Variants in RCL1 observed in about 807,000 individuals in gnomAD.
RCL1 encodes RNA 3'-terminal phosphate cyclase-like protein.
RCL1 carries 24 observed loss-of-function variants against 42.4 expected under a neutral mutation model. That is an observed-to-expected ratio of 0.57 (90% CI 0.41 to 0.80). The LOEUF (loss-of-function observed/expected upper bound fraction) is 0.80. RCL1 is among the 30% of genes least tolerant of loss of function. RCL1 has a pLI of 0.00. For missense variants in RCL1, 578 were observed against 467.9 expected (o/e 1.24, Z -2.17); for synonymous variants, 228 against 177.3 (o/e 1.29, Z -2.27).
At chr9:4,806,400 T>C (rs1815964080) in intron 1 of RCL1, among the ~76,000 whole-genome samples, 1 of 152,178 alleles carries the variant, frequency 6.6e-6, no homozygotes, top group Non-Finnish European at 1.5e-5. Flanking sequence ...AGTAATCTTT[T>C]ATAACAGTTT....
chr9:4,798,723 C>G (rs1328081194), intron 1 of RCL1, among the ~76,000 whole-genome samples: 1 of 152,128 alleles, frequency 6.6e-6, no homozygotes, highest in Non-Finnish European at 1.5e-5. Context: ...ACCCAGAATT[C>G]TTGATGGACA....
rs922128312 is a variant in RCL1 at position 4,792,991 on chromosome 9, C to T, written c.-101C>T. ...CTGCTGGAGGCAGCCCGAGCCGCCG[C>T]CGTCGGTGTCGCCGCCACCACCACC... On this transcript the variant is annotated 5_prime_UTR_variant, in exon 1 of 9. Transcript: ENST00000381750. 7 of 1,390,084 alleles carry T rather than the reference C, an allele frequency of 5.0e-6. No individual in the cohort carries two copies. The highest frequency in any genetic ancestry group is 6.7e-6 in the Non-Finnish European group (7 of 1,037,574). 86.1% of individuals were successfully genotyped at this position (1,390,084 alleles called of 1,614,324 possible). A position where few individuals can be genotyped will look rare whatever the true frequency, so the allele number is the denominator to read the frequency against.
intron 5 of RCL1, chr9:4,839,668 C>A (rs41279563): frequency 1.4e-4 from 140 of 985,310 alleles, no homozygotes; most frequent in Middle Eastern, 1.0e-3. Flanking sequence ...ATTGAAAAAT[C>A]CCTCTTTGCT....
chr9:4,844,502 T>A (rs992454374), intron 6 of RCL1, 23 bp from the exon 7 acceptor site: 1 of 1,591,160 alleles, frequency 6.3e-7, no homozygotes, highest in African/African-American at 1.3e-5. Context: ...ACCTACTCAG[T>A]GTTTGTGCCT....
At chr9:4,839,606 C>G (rs933763856) in intron 5 of RCL1, 2 of 957,340 alleles carry the variant, frequency 2.1e-6, no homozygotes, top group Non-Finnish European at 2.5e-6. Flanking sequence ...TGTCTGTGGT[C>G]AAAAGTACAT....
At chr9:4,857,132 A>G (rs1160952186) in intron 8 of RCL1, among the ~76,000 whole-genome samples, 1 of 152,246 alleles carries the variant, frequency 6.6e-6, no homozygotes, top group East Asian at 1.9e-4. Context: ...ACCCATTTTA[A>G]GTACACAGTT....
At chr9:4,797,648 T>C (rs1028121281) in intron 1 of RCL1, among the ~76,000 whole-genome samples, 1 of 152,218 alleles carries the variant, frequency 6.6e-6, no homozygotes, top group Admixed American at 6.5e-5. Flanking sequence ...TCAGTAGTGC[T>C]GATGTAGAAA....
At chr9:4,831,200 T>C (rs556085466) in intron 3 of RCL1, among the ~76,000 whole-genome samples, 1 of 152,328 alleles carries the variant, frequency 6.6e-6, no homozygotes, top group East Asian at 1.9e-4. Context: ...GGGACAGGAC[T>C]ACACCTGGAA....
intron 3 of RCL1, among the ~76,000 whole-genome samples, chr9:4,830,917 G>A (rs1024416867): frequency 3.9e-5 from 6 of 152,100 alleles, no homozygotes; most frequent in African/African-American, 1.4e-4. Context: ...CTCTCTGACC[G>A]CAGAGTGGAC....
At chr9:4,855,030 G>A (rs949779757) in intron 8 of RCL1, among the ~76,000 whole-genome samples, 5 of 138,970 alleles carry the variant, frequency 3.6e-5, no homozygotes, top group African/African-American at 1.4e-4. Flanking sequence ...CCCAGCCTGG[G>A]TGACAGAGCA....
intron 8 of RCL1, among the ~76,000 whole-genome samples, chr9:4,850,591 G>C (rs1817709855): frequency 6.8e-6 from 1 of 147,148 alleles, no homozygotes; most frequent in Non-Finnish European, 1.5e-5. Flanking sequence ...AGACTGATAA[G>C]CAGGAAACTG....
At chr9:4,832,317 A>C (rs1279667225) in intron 3 of RCL1, among the ~76,000 whole-genome samples, 1 of 151,338 alleles carries the variant, frequency 6.6e-6, no homozygotes, top group Non-Finnish European at 1.5e-5. Context: ...CGACTCCCCA[A>C]CTCCCATGTA....
chr9:4,832,866 T>C (rs1329092458), intron 3 of RCL1, among the ~76,000 whole-genome samples: 1 of 147,984 alleles, frequency 6.8e-6, no homozygotes, highest in Non-Finnish European at 1.5e-5. Context: ...AACAGTCCAG[T>C]CTCTCCATGC....
intron 1 of RCL1, among the ~76,000 whole-genome samples, chr9:4,794,216 A>C (rs565752710): frequency 1.3e-5 from 2 of 152,260 alleles, no homozygotes; most frequent in South Asian, 2.1e-4. Context: ...TATCTGTCTG[A>C]ATGCATTTTT....
intron 1 of RCL1, among the ~76,000 whole-genome samples, chr9:4,813,369 T>C (rs1816250242): frequency 6.6e-6 from 1 of 152,118 alleles, no homozygotes; most frequent in African/African-American, 2.4e-5. Flanking sequence ...CATCAAAAAG[T>C]GGGCAAAGGA....
At chr9:4,817,822 C>G (rs999805228) in intron 1 of RCL1, among the ~76,000 whole-genome samples, 1 of 146,568 alleles carries the variant, frequency 6.8e-6, no homozygotes, top group Non-Finnish European at 1.5e-5. Flanking sequence ...TTTTTCTCTT[C>G]TTTTGAGATT....
intron 6 of RCL1, among the ~76,000 whole-genome samples, chr9:4,842,169 T>C (rs778052189): frequency 3.3e-5 from 5 of 152,216 alleles, no homozygotes; most frequent in Non-Finnish European, 7.3e-5. Flanking sequence ...TGGGCATCAT[T>C]TCACTTCACA....
intron 1 of RCL1, among the ~76,000 whole-genome samples, chr9:4,797,711 C>T (rs542581048): frequency 2.0e-5 from 3 of 152,284 alleles, no homozygotes; most frequent in African/African-American, 7.2e-5. Flanking sequence ...CCCTGTATCC[C>T]TAATGATTAG....
chr9:4,802,787 A>C (rs143526399), intron 1 of RCL1, among the ~76,000 whole-genome samples: 3 of 152,300 alleles, frequency 2.0e-5, no homozygotes, highest in Non-Finnish European at 2.9e-5. Flanking sequence ...CTGAAACCAC[A>C]GTGCATAACA....
Sources: allele counts gnomAD v4.1 joint callset (sites outside exome capture counted in the v4.1 genomes callset), GRCh38; gene constraint gnomAD v4.1.1; transcripts MANE v1.5; gene names NCBI Gene and HGNC (gene_info 2026-07-23, HGNC 2026-07-21).